The following LHCGR variants were observed in gnomAD, a reference collection of about 807,000 sequenced individuals.
LHCGR encodes the protein lutropin-choriogonadotropic hormone receptor.
LHCGR carries 55 observed loss-of-function variants against 60.7 expected under a neutral mutation model. The observed-to-expected ratio is 0.91, with a 90% CI of 0.73 to 1.13. The LOEUF is 1.13. LHCGR is among the 50% of genes most tolerant of loss of function. The pLI is 0.00. For missense variants in LHCGR, 862 were observed against 836.0 expected (o/e 1.03, Z -0.38); for synonymous variants, 337 against 316.5 (o/e 1.06, Z -0.69).
At chr2:48,743,461 C>T (rs947692858) in intron 1 of LHCGR, among the ~76,000 whole-genome samples, 95 of 152,160 alleles carry the variant, frequency 6.2e-4, no homozygotes, top group African/African-American at 1.7e-3. Context: ...GCTGGCAAAC[C>T]GAATCCAGCA....
chr2:48,724,248 G>T (rs1316362599), intron 4 of LHCGR, among the ~76,000 whole-genome samples: 2 of 152,136 alleles, frequency 1.3e-5, no homozygotes, highest in East Asian at 3.9e-4. Flanking sequence ...TGGTGTTTGG[G>T]ACTATTCAAG....
At chr2:48,734,907 G>A (rs1313846585) in intron 1 of LHCGR, among the ~76,000 whole-genome samples, 1 of 152,220 alleles carries the variant, frequency 6.6e-6, no homozygotes, top group East Asian at 1.9e-4. Context: ...GAAAATATGA[G>A]GTTGAACTTG....
At chr2:48,736,351 A>G in intron 1 of LHCGR, among the ~76,000 whole-genome samples, 1 of 152,282 alleles carries the variant, frequency 6.6e-6, no homozygotes, top group Admixed American at 6.5e-5. Context: ...CCTTCTTCCT[A>G]TCAATTCTTA....
At chr2:48,740,429 C>T (rs1390198455) in intron 1 of LHCGR, among the ~76,000 whole-genome samples, 1 of 152,230 alleles carries the variant, frequency 6.6e-6, no homozygotes, top group Non-Finnish European at 1.5e-5. Flanking sequence ...CCTCTGCAGA[C>T]TTAAATGTCC....
intron 1 of LHCGR, among the ~76,000 whole-genome samples, chr2:48,752,994 G>T (rs1270432518): frequency 6.8e-5 from 7 of 102,888 alleles, no homozygotes; most frequent in East Asian, 3.3e-4. Flanking sequence ...GGGGGGGGGG[G>T]GGTGGGGAAG....
intron 1 of LHCGR, among the ~76,000 whole-genome samples, chr2:48,734,405 C>T (rs1669129590): frequency 6.6e-6 from 1 of 152,124 alleles, no homozygotes; most frequent in Non-Finnish European, 1.5e-5. Flanking sequence ...AAATAAATAA[C>T]TAAAAACAGA....
chr2:48,719,083 G>C (rs1168067269), intron 6 of LHCGR, among the ~76,000 whole-genome samples: 2 of 152,216 alleles, frequency 1.3e-5, no homozygotes, highest in Admixed American at 1.3e-4. Flanking sequence ...AGCACTTTGG[G>C]AGGCTGAGGC....
intron 1 of LHCGR, among the ~76,000 whole-genome samples, chr2:48,739,787 A>G (rs1298516351): frequency 6.6e-6 from 1 of 152,200 alleles, no homozygotes; most frequent in Non-Finnish European, 1.5e-5. Flanking sequence ...TGTTGTGTAC[A>G]TGTACCCTAA....
intron 1 of LHCGR, among the ~76,000 whole-genome samples, chr2:48,746,005 C>A (rs1281940327): frequency 2.0e-5 from 3 of 152,074 alleles, no homozygotes; most frequent in Non-Finnish European, 4.4e-5. Context: ...CTGGAGCCAG[C>A]CTGGGTTCAA....
chr2:48,729,912 G>C (rs1668912847), intron 2 of LHCGR, among the ~76,000 whole-genome samples: 1 of 152,190 alleles, frequency 6.6e-6, no homozygotes, highest in African/African-American at 2.4e-5. Context: ...CAAAATGAAT[G>C]AATAAGTGAA....
intron 4 of LHCGR, among the ~76,000 whole-genome samples, chr2:48,724,131 T>C (rs1275215830): frequency 6.6e-6 from 1 of 152,246 alleles, no homozygotes; most frequent in African/African-American, 2.4e-5. Flanking sequence ...AATTAATCTT[T>C]TATGATAAAT....
chr2:48,714,461 GA>G (rs1668143267), intron 6 of LHCGR, among the ~76,000 whole-genome samples: 3 of 151,550 alleles, frequency 2.0e-5, no homozygotes, highest in Admixed American at 1.3e-4. Flanking sequence ...GAGGGCAGAG[GA>G]AGCCTCCAGC....
At chr2:48,751,197 A>G (rs1364068853) in intron 1 of LHCGR, among the ~76,000 whole-genome samples, 1 of 152,222 alleles carries the variant, frequency 6.6e-6, no homozygotes, top group Non-Finnish European at 1.5e-5. Context: ...CTTTGCAACC[A>G]ATCATCAAAT....
intron 1 of LHCGR, among the ~76,000 whole-genome samples, chr2:48,743,974 C>G (rs939081892): frequency 1.4e-5 from 2 of 147,388 alleles, no homozygotes; most frequent in African/African-American, 5.1e-5. Context: ...TCTCCTTAAG[C>G]TGATAAGCAA....
intron 1 of LHCGR, among the ~76,000 whole-genome samples, chr2:48,746,502 A>G (rs1426241541): frequency 1.3e-5 from 2 of 152,238 alleles, no homozygotes; most frequent in Non-Finnish European, 2.9e-5. Context: ...TGATTGTTTT[A>G]ATGATCAGTC....
intron 1 of LHCGR, among the ~76,000 whole-genome samples, chr2:48,740,529 T>G (rs1280836921): frequency 3.9e-5 from 6 of 152,148 alleles, no homozygotes; most frequent in Non-Finnish European, 8.8e-5. Flanking sequence ...AGTGGGTCCC[T>G]GACCCCTGAC....
At chr2:48,729,988 A>C (rs905485249) in intron 2 of LHCGR, among the ~76,000 whole-genome samples, 1 of 152,220 alleles carries the variant, frequency 6.6e-6, no homozygotes, top group Non-Finnish European at 1.5e-5. Context: ...TTTGTCATAT[A>C]TGATTCGCAA....
intron 8 of LHCGR, among the ~76,000 whole-genome samples, chr2:48,704,003 G>A (rs1037827108): frequency 2.6e-5 from 4 of 152,040 alleles, no homozygotes; most frequent in Non-Finnish European, 4.4e-5. Flanking sequence ...TTGCCCATTT[G>A]GTATGATATT....
intron 6 of LHCGR, chr2:48,719,922 G>A (rs989682546): frequency 1.3e-5 from 2 of 152,118 alleles, no homozygotes; most frequent in Non-Finnish European, 2.9e-5. Context: ...TGCTCCACAC[G>A]ATCCTTTGCT....
Sources: allele counts gnomAD v4.1 joint callset (sites outside exome capture counted in the v4.1 genomes callset), GRCh38; gene constraint gnomAD v4.1.1; transcripts MANE v1.5; gene names NCBI Gene and HGNC (gene_info 2026-07-23, HGNC 2026-07-21).